CSMD1: variants seen among roughly 807,000 people sequenced by gnomAD.
CSMD1 encodes the protein CUB and sushi domain-containing protein 1.
A neutral mutation model predicts 417.5 loss-of-function variants in CSMD1; 213 were observed. The ratio of observed to expected loss-of-function variants is 0.51; its 90% CI spans 0.46 to 0.57. The LOEUF is 0.57. Among genes scored for constraint, CSMD1 ranks in the 20% least tolerant of loss-of-function variants. The pLI is 0.00. For synonymous variants in CSMD1, 2,862 were observed against 1,736.8 expected (o/e 1.65, Z -16.11); for missense variants, 6,923 against 4,529.7 (o/e 1.53, Z -15.17).
At chr8:3,479,613 T>C (rs1817621071) in intron 11 of CSMD1, among the ~76,000 whole-genome samples, 1 of 152,206 alleles carries the variant, frequency 6.6e-6, no homozygotes, top group Admixed American at 6.5e-5. Context: ...ATGCCATTAC[T>C]TTCAGTGGCA....
chr8:3,250,554 A>G (rs1800185966), intron 26 of CSMD1, among the ~76,000 whole-genome samples: 1 of 152,188 alleles, frequency 6.6e-6, no homozygotes, highest in Admixed American at 6.5e-5. Context: ...CATGATTTAT[A>G]GTCCTTTGTG....
chr8:3,526,585 C>G (rs972408410), intron 10 of CSMD1, among the ~76,000 whole-genome samples: 2 of 152,140 alleles, frequency 1.3e-5, no homozygotes, highest in Non-Finnish European at 2.9e-5. Flanking sequence ...TGTGTTTATT[C>G]TAGGGCAATG....
At chr8:3,240,415 T>A (rs1799420948) in intron 26 of CSMD1, among the ~76,000 whole-genome samples, 1 of 105,822 alleles carries the variant, frequency 9.4e-6, no homozygotes. Context: ...CAACCATGCC[T>A]AGGAAGGAAA....
chr8:3,395,135 A>G (rs1811607406), intron 17 of CSMD1, among the ~76,000 whole-genome samples: 1 of 152,170 alleles, frequency 6.6e-6, no homozygotes, highest in African/African-American at 2.4e-5. Context: ...TTTGAAACCC[A>G]TCATAGTAGA....
At chr8:4,142,234 C>G (rs532155421) in intron 3 of CSMD1, among the ~76,000 whole-genome samples, 1 of 151,072 alleles carries the variant, frequency 6.6e-6, no homozygotes, top group South Asian at 2.1e-4. Flanking sequence ...TATAGTGATA[C>G]TTAATTTACT....
chr8:4,691,576 A>G (rs1276718411), intron 1 of CSMD1, among the ~76,000 whole-genome samples: 1 of 152,194 alleles, frequency 6.6e-6, no homozygotes, highest in Non-Finnish European at 1.5e-5. Flanking sequence ...ATCTTGGGAA[A>G]TGGCCACACT....
intron 6 of CSMD1, among the ~76,000 whole-genome samples, chr8:3,747,362 G>C (rs551490345): frequency 1.9e-4 from 28 of 148,016 alleles, no homozygotes; most frequent in African/African-American, 6.8e-4. Context: ...GGAAGAGATT[G>C]TTCTGATCAT....
chr8:3,104,561 A>G (rs1815990703), intron 46 of CSMD1, among the ~76,000 whole-genome samples: 1 of 152,190 alleles, frequency 6.6e-6, no homozygotes, highest in African/African-American at 2.4e-5. Context: ...AATCTAAGTT[A>G]TTATGGATAT....
chr8:4,263,710 T>C (rs553714714), intron 3 of CSMD1, among the ~76,000 whole-genome samples: 53 of 152,308 alleles, frequency 3.5e-4, no homozygotes, highest in African/African-American at 1.1e-3. Context: ...AGCATCTTAC[T>C]GGCAACAATA....
At position 3,344,095 on chromosome 8, in the gene CSMD1, A is replaced by G. The variant is rs76905118; in HGVS notation, c.3475-645T>C. Among the ~76,000 whole-genome samples, 15 of 152,306 alleles carry G rather than the reference A, an allele frequency of 9.8e-5. No homozygotes were observed. The East Asian group carries it at 1.9e-3, about 20-fold the overall frequency. ...CAGTTGTAAAACGAGAGTAGATGTA[A>G]TAAGTATACGGAAGATAAGGAAGAC... On this transcript the variant is annotated intron_variant, in intron 22 of 69. Transcript: ENST00000635120.
chr8:4,175,522 G>A lies in CSMD1; in HGVS notation c.416-143423C>T, dbSNP rs571412968. ...CATTACACAAAGACAACTGATAGAAGCCCAATGGATAAATGTAGACATGAT... is the reference window on the plus strand; with the variant it reads ...CATTACACAAAGACAACTGATAGAAACCCAATGGATAAATGTAGACATGAT... On this transcript the variant is annotated intron_variant, in intron 3 of 69. Transcript: ENST00000635120. 2.0e-4 allele frequency among the ~76,000 whole-genome samples: 30 copies of A among 151,520 alleles called. 1 individual carries two copies. The highest frequency in any genetic ancestry group is 3.9e-4 in the Admixed American group (6 of 15,216).
intron 1 of CSMD1, among the ~76,000 whole-genome samples, chr8:4,740,478 A>G (rs1031095286): frequency 6.6e-6 from 1 of 152,180 alleles, no homozygotes; most frequent in African/African-American, 2.4e-5. Context: ...GGATGTGTTT[A>G]GAGGAAAGTG....
intron 22 of CSMD1, among the ~76,000 whole-genome samples, chr8:3,346,165 T>C (rs1399143253): frequency 2.0e-5 from 3 of 152,348 alleles, no homozygotes; most frequent in South Asian, 2.1e-4. Context: ...GTATTTTATA[T>C]GACTGACAGC....
At chr8:3,618,221 G>C (rs140978726) in intron 7 of CSMD1, among the ~76,000 whole-genome samples, 147 of 152,178 alleles carry the variant, frequency 9.7e-4, no homozygotes, top group Middle Eastern at 6.8e-3. Flanking sequence ...TCCCAGACTG[G>C]TCTCAAACTC....
intron 5 of CSMD1, among the ~76,000 whole-genome samples, chr8:3,915,065 T>C (rs1300902672): frequency 3.3e-5 from 5 of 152,100 alleles, no homozygotes; most frequent in African/African-American, 4.8e-5. Flanking sequence ...GGAATAGTTA[T>C]TGAATTAATT....
intron 10 of CSMD1, among the ~76,000 whole-genome samples, chr8:3,508,979 G>T (rs1277931371): frequency 4.6e-5 from 7 of 152,194 alleles, no homozygotes; most frequent in Non-Finnish European, 8.8e-5. Context: ...TCAGACTTAA[G>T]TGAGAATATC....
At chr8:3,277,356 C>A (rs1050171290) in intron 26 of CSMD1, among the ~76,000 whole-genome samples, 2 of 152,036 alleles carry the variant, frequency 1.3e-5, no homozygotes, top group Non-Finnish European at 2.9e-5. Flanking sequence ...CGCAGGTGGG[C>A]CAGAAAGTAC....
chr8:4,109,190 G>C (rs1182699700), intron 3 of CSMD1, among the ~76,000 whole-genome samples: 1 of 152,204 alleles, frequency 6.6e-6, no homozygotes, highest in Admixed American at 6.5e-5. Flanking sequence ...TGGAATAATA[G>C]CCAGAAAAAA....
chr8:3,389,619 GTGAGGATTATATAT>G (rs1248577127), intron 17 of CSMD1, among the ~76,000 whole-genome samples: 8 of 45,908 alleles, frequency 1.7e-4, no homozygotes, highest in Non-Finnish European at 2.5e-4. Flanking sequence ...CTTAGAATAA[GTGAGGATTATATAT>G]TAATGGTTTT....
Sources: gnomAD v4.1 joint callset for allele counts (sites outside exome capture counted in the v4.1 genomes callset) on GRCh38, gnomAD v4.1.1 for gene constraint, MANE v1.5 for transcripts, NCBI Gene and HGNC (gene_info 2026-07-23, HGNC 2026-07-21) for gene names.